Variants in ADCY5 observed in about 807,000 individuals in gnomAD.
ADCY5 encodes adenylate cyclase 5.
ADCY5 carries 30 observed loss-of-function variants against 119.7 expected under a neutral mutation model. That is an observed-to-expected ratio of 0.25 (90% CI 0.19 to 0.34). The LOEUF is 0.34. Ranked by LOEUF, ADCY5 falls within the 10% of genes least tolerant of loss-of-function variation. The probability of loss-of-function intolerance (pLI) is 1.00; values close to 1 mark genes in which losing one functional copy is unlikely to be tolerated. For missense variants in ADCY5, 1,324 were observed against 1,775.2 expected, an observed-to-expected ratio of 0.75 and a Z score of 4.57; for synonymous variants, 753 against 762.2, an observed-to-expected ratio of 0.99 and a Z score of 0.20.
intron 12 of ADCY5, among the ~76,000 whole-genome samples, chr3:123,304,535 G>T (rs755281140): frequency 6.6e-6 from 1 of 152,160 alleles, no homozygotes; most frequent in African/African-American, 2.4e-5. Flanking sequence ...GCGGTGGGTG[G>T]CAGCTGAGGA....
intron 1 of ADCY5, among the ~76,000 whole-genome samples, chr3:123,426,298 T>TG (rs1214568089): frequency 1.5e-3 from 15 of 9,804 alleles, no homozygotes; most frequent in Non-Finnish European, 5.4e-3. Context: ...TTTTCTTTTG[T>TG]GTTTTTTTTT....
At chr3:123,327,434 A>G (rs932712335) in intron 7 of ADCY5, among the ~76,000 whole-genome samples, 184 bp downstream of exon 7, 3 of 152,282 alleles carry the variant, frequency 2.0e-5, no homozygotes, top group Admixed American at 6.5e-5. Context: ...CTATTAAAAG[A>G]TTCCCTCTTT....
intron 3 of ADCY5, among the ~76,000 whole-genome samples, chr3:123,343,143 C>T (rs1328214292): frequency 6.6e-6 from 1 of 152,234 alleles, no homozygotes; most frequent in African/African-American, 2.4e-5. Context: ...CTAGCTCCCA[C>T]AAGAATGTGA....
chr3:123,323,082 G>A (rs961315606), intron 8 of ADCY5, among the ~76,000 whole-genome samples: 4 of 152,150 alleles, frequency 2.6e-5, no homozygotes, highest in African/African-American at 4.8e-5. Flanking sequence ...ATATTCCCAC[G>A]GGCCACGCTG....
At chr3:123,420,921 G>A (rs1367293899) in intron 1 of ADCY5, among the ~76,000 whole-genome samples, 1 of 152,152 alleles carries the variant, frequency 6.6e-6, no homozygotes, top group East Asian at 1.9e-4. Context: ...AGCCTCAGGT[G>A]TTCCTTGGCT....
chr3:123,339,571 C>T (rs1034766118), intron 3 of ADCY5, among the ~76,000 whole-genome samples: 3 of 152,170 alleles, frequency 2.0e-5, no homozygotes, highest in Non-Finnish European at 2.9e-5. Flanking sequence ...CTGGGACAAC[C>T]GTGCTCTCTC....
intron 17 of ADCY5, among the ~76,000 whole-genome samples, chr3:123,294,933 T>C (rs1253636752): frequency 6.6e-6 from 1 of 152,002 alleles, no homozygotes; most frequent in Non-Finnish European, 1.5e-5. Flanking sequence ...GAAGAGGGGA[T>C]TGAGGAAGAA....
chr3:123,293,593 G>T (rs1010788051), intron 17 of ADCY5, among the ~76,000 whole-genome samples: 1 of 151,866 alleles, frequency 6.6e-6, no homozygotes, highest in South Asian at 2.1e-4. Context: ...GGGGTGGGGG[G>T]GGTCACCACT....
intron 13 of ADCY5, 98 bp downstream of exon 13, chr3:123,303,969 G>T (rs1940041162): frequency 1.2e-6 from 1 of 851,790 alleles, no homozygotes; most frequent in South Asian, 1.5e-5. Context: ...AGAACTTCCA[G>T]GGAAAGTCTC....
At chr3:123,328,553 G>T in intron 6 of ADCY5, 91 bp downstream of exon 6, 5 of 1,470,140 alleles carry the variant, frequency 3.4e-6, no homozygotes, top group Non-Finnish European at 4.6e-6. Flanking sequence ...ACCCCACCCT[G>T]CCCCGCCTCG....
chr3:123,435,404 T>A (rs1945590841), intron 1 of ADCY5, among the ~76,000 whole-genome samples: 1 of 152,182 alleles, frequency 6.6e-6, no homozygotes, highest in Non-Finnish European at 1.5e-5. Context: ...AGAGAAATGC[T>A]GAAGAGAGAC....
intron 1 of ADCY5, among the ~76,000 whole-genome samples, chr3:123,377,865 G>A (rs1399338713): frequency 7.0e-6 from 1 of 142,542 alleles, no homozygotes; most frequent in East Asian, 2.4e-4. Context: ...GGGAGGCGGA[G>A]GTTGCAGTGA....
Position 123,352,434 on chromosome 3 carries a change from G to T in ADCY5, c.1282C>A (p.Gln428Lys). 6.2e-7 allele frequency: 1 copy of T among 1,611,664 alleles called. No homozygotes were observed. Among genetic ancestry groups the T allele is most frequent in the East Asian group, 2.2e-5 (1 of 44,864 alleles). The change falls in exon 2 of 21, where the codon CAG becomes AAG. Residue 428 changes from glutamine to lysine, a missense_variant and splice_region_variant. Gln to Lys is a moderately conservative substitution (Grantham distance 53, BLOSUM62 1). Around this residue, in one of 6 missense-constraint regions of ADCY5, gnomAD observed 123 missense variants for 287.9 expected, o/e 0.43. Transcript: ENST00000462833. This position sits in a 1 kb window ranked among gnomAD's most constrained non-coding sequence, Gnocchi z 4.8. ...GCAAGGGCAGGGGCCTCACTCACCT[G>T]CTGCTGGTTCTCCCGCTGCGAGTGG... Reference protein sequence around the residue: ...RLHSQRENQQQERLLLSVLPR... With the variant: ...RLHSQRENQQKERLLLSVLPR...
At chr3:123,285,655 C>T (rs1180150316) in intron 20 of ADCY5, among the ~76,000 whole-genome samples, 1 of 152,358 alleles carries the variant, frequency 6.6e-6, no homozygotes, top group African/African-American at 2.4e-5. Context: ...CAGCCCCACA[C>T]AAGGTGAGTT....
chr3:123,301,251 G>A (rs562120708), intron 14 of ADCY5, among the ~76,000 whole-genome samples: 38 of 152,286 alleles, frequency 2.5e-4, no homozygotes, highest in African/African-American at 8.9e-4. Flanking sequence ...CTTCGCACAC[G>A]GCTTCTGCCC....
intron 12 of ADCY5, among the ~76,000 whole-genome samples, chr3:123,308,966 T>C (rs1354511446): frequency 6.6e-6 from 1 of 152,254 alleles, no homozygotes; most frequent in Non-Finnish European, 1.5e-5. Context: ...AGCCAATCAC[T>C]TAATGCTTGC....
In ADCY5 at chr3:123,319,670, G is replaced by A. The variant is rs374019409; in HGVS notation, c.2256+4C>T. 1.5e-5 allele frequency: 24 copies of A among 1,613,924 alleles called. No individual in the cohort carries two copies. Among genetic ancestry groups the A allele is most frequent in the Non-Finnish European group, 1.9e-5 (23 of 1,179,986 alleles). On this transcript the variant is annotated splice_donor_region_variant and intron_variant, in intron 10 of 20. Transcript: ENST00000462833. ...GGGCCTCCTTCCCACCCAGGGTGCT[G>A]TACCTTCTTCTCTAAGTCAGGCTCC...
intron 1 of ADCY5, among the ~76,000 whole-genome samples, chr3:123,378,318 C>A (rs186561863): frequency 6.6e-6 from 1 of 152,160 alleles, no homozygotes; most frequent in Admixed American, 6.5e-5. Flanking sequence ...ACACCAGGAC[C>A]CTTGACTCTA....
chr3:123,356,107 G>A (rs1226655744), intron 1 of ADCY5, among the ~76,000 whole-genome samples: 1 of 152,164 alleles, frequency 6.6e-6, no homozygotes, highest in Non-Finnish European at 1.5e-5. Context: ...GCAAAAGAAT[G>A]AAGCTGGACT....
Sources: allele counts gnomAD v4.1 joint callset (sites outside exome capture counted in the v4.1 genomes callset), GRCh38; gene constraint gnomAD v4.1.1; regional missense constraint gnomAD v4.1.1; non-coding constraint Gnocchi (gnomAD v3.1); transcripts MANE v1.5; gene names NCBI Gene and HGNC (gene_info 2026-07-23, HGNC 2026-07-21).